The following REV3L variants were observed in gnomAD, a reference collection of about 807,000 sequenced individuals.
REV3L encodes REV3 like, DNA directed polymerase zeta catalytic subunit.
Under a neutral mutation model 299.4 loss-of-function variants are expected in REV3L, and 69 were observed. That is an observed-to-expected ratio of 0.23 (90% confidence interval 0.19 to 0.28). REV3L has a LOEUF of 0.28. REV3L is among the 10% of genes least tolerant of loss of function. The pLI is 1.00. For synonymous variants in REV3L, 1,238 were observed against 1,271.4 expected, an observed-to-expected ratio of 0.97 and a Z score of 0.56; for missense variants, 3,128 against 3,693.8, an observed-to-expected ratio of 0.85 and a Z score of 3.97.
intron 17 of REV3L, among the ~76,000 whole-genome samples, chr6:111,357,921 A>G (rs146128747): frequency 1.6e-3 from 248 of 152,168 alleles, no homozygotes; most frequent in African/African-American, 5.5e-3. Flanking sequence ...CTGATTTCCA[A>G]CTGCCAAAGT....
At chr6:111,362,731 C>T (rs868723559) in intron 16 of REV3L, among the ~76,000 whole-genome samples, 5 of 151,950 alleles carry the variant, frequency 3.3e-5, no homozygotes, top group Admixed American at 6.6e-5. Context: ...TCACTGTGCA[C>T]GCTAAATTTT....
chr6:111,410,956 C>T (rs1784177978), intron 3 of REV3L, among the ~76,000 whole-genome samples: 1 of 152,084 alleles, frequency 6.6e-6, no homozygotes, highest in African/African-American at 2.4e-5. Flanking sequence ...GTGCCCTTCC[C>T]TGCCCTCCAG....
Position 111,372,818 on chromosome 6 carries a change from T to C in REV3L, c.5537A>G (p.Asp1846Gly), listed in dbSNP as rs866671968. Residue 1846 changes from aspartate to glycine, a missense_variant, in exon 13 of 32, where the codon GAT becomes GGT. Asp to Gly is a moderately conservative substitution (Grantham distance 94). This residue lies in a region of REV3L where 2,409 missense variants were observed against 2,611.8 expected (regional missense o/e 0.92). Coordinates refer to ENST00000368802, the MANE Select transcript of REV3L (RefSeq NM_001372078.1). ...ACTATCAGGAGTTGGTGTCAACATATCATTGTTTCTTGAAACATACAGTTC... is the reference window on the plus strand; with the variant it reads ...ACTATCAGGAGTTGGTGTCAACATACCATTGTTTCTTGAAACATACAGTTC... ...DLELYVSRNN[D>G]MLTPTPDSSP... 1.1e-5 allele frequency: 18 copies of C among 1,613,680 alleles called. No individual in the cohort carries two copies. In the African/African-American group the frequency reaches 2.1e-4, roughly 19 times the overall value.
chr6:111,387,610 T>C, intron 9 of REV3L, 155 bp downstream of exon 9: 1 of 618,112 alleles, frequency 1.6e-6, no homozygotes, highest in Non-Finnish European at 2.8e-6. Context: ...CCTTTAGAGA[T>C]GTAGAAAGGG....
chr6:111,483,141 C>T lies in REV3L; in HGVS notation c.-253G>A, dbSNP rs927743533. Reference sequence around the variant, plus strand: ...CTTTCGTCGGTGCTGGTGCTGCCGCCACTGCCGCCACCGCCGGGAATCACA... The same window carrying T: ...CTTTCGTCGGTGCTGGTGCTGCCGCTACTGCCGCCACCGCCGGGAATCACA... On this transcript the variant is annotated 5_prime_UTR_variant, in exon 1 of 32. Transcript: ENST00000368802. 3 of 490,604 alleles carry T rather than the reference C, an allele frequency of 6.1e-6. No homozygotes were observed. The South Asian group carries it at 1.1e-4, about 18-fold the overall frequency. 30.4% of individuals were successfully genotyped at this position (490,604 alleles called of 1,614,324 possible).
chr6:111,363,980 T>TA lies in REV3L; in HGVS notation c.6754-3dup. 6.2e-7 allele frequency: 1 copy of TA among 1,601,052 alleles called. No homozygotes were observed. The highest frequency in any genetic ancestry group is 1.1e-5 in the South Asian group (1 of 87,462). On this transcript the variant is annotated splice_polypyrimidine_tract_variant and splice_region_variant and intron_variant, in intron 15 of 31. Transcript: ENST00000368802. The stretch of plus-strand genomic sequence containing the variant: ...GGTATTTACTGCTGCAAATTGATTC[T>TA]ATAAAAAAAAACACACACACACACA...
At chr6:111,353,196 T>G (rs1286510624) in intron 18 of REV3L, among the ~76,000 whole-genome samples, 1 of 152,194 alleles carries the variant, frequency 6.6e-6, no homozygotes, top group Non-Finnish European at 1.5e-5. Flanking sequence ...ATAAGCTATC[T>G]ATGGCTACTC....
intron 1 of REV3L, among the ~76,000 whole-genome samples, chr6:111,442,885 C>G (rs958068448): frequency 7.9e-5 from 12 of 151,992 alleles, no homozygotes; most frequent in Non-Finnish European, 1.6e-4. Flanking sequence ...CATGGTGTCT[C>G]TCTCTCTGTG....
Position 111,299,491 on chromosome 6 carries a change from A to T in REV3L, c.*525T>A, listed in dbSNP as rs1288362904. ...AACGATCTACTTTGAGTCAAGCAAA[A>T]CCTAGAGGAAATATACCAAACAACT... On this transcript the variant is annotated 3_prime_UTR_variant, in exon 32 of 32. Transcript: ENST00000368802. 2 of 152,692 alleles carry T rather than the reference A, an allele frequency of 1.3e-5. No homozygotes were observed. The highest frequency in any genetic ancestry group is 2.9e-5 in the Non-Finnish European group (2 of 68,080). 9.5% of individuals were successfully genotyped at this position (152,692 alleles called of 1,614,324 possible). A position where few individuals can be genotyped will look rare whatever the true frequency, so the allele number is the denominator to read the frequency against.
chr6:111,317,364 C>G (rs1773650741), intron 26 of REV3L, among the ~76,000 whole-genome samples: 1 of 152,194 alleles, frequency 6.6e-6, no homozygotes, highest in African/African-American at 2.4e-5. Context: ...TTAACATTCA[C>G]TAAGGTAGAA....
chr6:111,344,542 T>C (rs1242265729), intron 20 of REV3L, among the ~76,000 whole-genome samples: 1 of 152,188 alleles, frequency 6.6e-6, no homozygotes, highest in Non-Finnish European at 1.5e-5. Context: ...AGCCACTCAA[T>C]TTCATTCCAA....
intron 31 of REV3L, among the ~76,000 whole-genome samples, chr6:111,304,033 AC>A (rs1283691629): frequency 6.6e-6 from 1 of 152,026 alleles, no homozygotes; most frequent in East Asian, 1.9e-4. Context: ...TATTTTTAAA[AC>A]ATTCTAGAAA....
intron 1 of REV3L, chr6:111,472,246 CAA>C: frequency 1.9e-6 from 1 of 514,840 alleles, no homozygotes; most frequent in South Asian, 3.3e-5. Flanking sequence ...TTCTTATTTA[CAA>C]AGTCTTTCAT....
At chr6:111,340,167 C>T (rs1329598871) in intron 21 of REV3L, among the ~76,000 whole-genome samples, 1 of 152,088 alleles carries the variant, frequency 6.6e-6, no homozygotes, top group Non-Finnish European at 1.5e-5. Flanking sequence ...TGTGGACTGG[C>T]TCTATACTCA....
chr6:111,329,720 C>T lies in REV3L; in HGVS notation c.8053G>A (p.Val2685Ile). ...AFVKPSVRKG[V>I]LPRMLEEILK... ...ATTTCTTCAAGCATTCTTGGTAGTACACCTTTTCTTACTGAAGGCTATCAT... is the reference window on the plus strand; with the variant it reads ...ATTTCTTCAAGCATTCTTGGTAGTATACCTTTTCTTACTGAAGGCTATCAT... The change falls in exon 25 of 32, where the codon GTA (valine) becomes ATA (isoleucine). Residue 2685 changes from valine to isoleucine, a missense_variant. Physicochemically the swap from Val to Ile is conservative, Grantham distance 29. Coordinates refer to ENST00000368802, the MANE Select transcript of REV3L (RefSeq NM_001372078.1). The T allele has an allele frequency of 6.2e-7, 1 of 1,612,986 alleles. No homozygotes were observed. The highest frequency in any genetic ancestry group is 2.2e-5 in the East Asian group (1 of 44,862).
At chr6:111,430,646 A>G in intron 1 of REV3L, 2 of 1,522,770 alleles carry the variant, frequency 1.3e-6, no homozygotes, top group South Asian at 1.1e-5. Flanking sequence ...GCTGGCCGAG[A>G]AGAGAGAGGA....
In REV3L at chr6:111,357,004, A is replaced by G. The variant is rs1778160341; in HGVS notation, c.7184+10T>C. On this transcript the variant is annotated intron_variant, in intron 18 of 31. Coordinates refer to ENST00000368802, the MANE Select transcript of REV3L (RefSeq NM_001372078.1). ...ATAAAACTGGAAAAATCAGATATAC[A>G]AAACAATACCTCTTTATTATATTTG... is the stretch of plus-strand genomic sequence containing the variant. 6.8e-7 allele frequency: 1 copy of G among 1,469,340 alleles called. No homozygotes were observed. 91.0% of individuals were successfully genotyped at this position (1,469,340 alleles called of 1,614,324 possible).
intron 21 of REV3L, among the ~76,000 whole-genome samples, chr6:111,343,109 A>T (rs749963756): frequency 4.6e-5 from 7 of 152,244 alleles, no homozygotes; most frequent in Non-Finnish European, 1.0e-4. Flanking sequence ...GTATGTTCAC[A>T]TGCTGACTCA....
chr6:111,305,672 T>C lies in REV3L; in HGVS notation c.9252+1689A>G, dbSNP rs199750857. ...TGAAGGAGGATGGGCTCTGGGTAAA[T>C]TGATGGCACCAAGTAGTGATGTGTT... On this transcript the variant is annotated intron_variant, in intron 31 of 31. Transcript: ENST00000368802. Among the ~76,000 whole-genome samples, 18 of 152,162 alleles carry C rather than the reference T, an allele frequency of 1.2e-4. No homozygotes were observed. In the East Asian group the frequency reaches 3.5e-3, roughly 29 times the overall value.
Sources: allele counts gnomAD v4.1 joint callset (sites outside exome capture counted in the v4.1 genomes callset), GRCh38; gene constraint gnomAD v4.1.1; regional missense constraint gnomAD v4.1.1; transcripts MANE v1.5; gene names NCBI Gene and HGNC (gene_info 2026-07-23, HGNC 2026-07-21).